RGS10: variants seen among roughly 807,000 people sequenced by gnomAD.
RGS10 encodes regulator of G protein signaling 10, also known as regulator of G-protein signalling 10.
In RGS10, 11 loss-of-function variants were observed where a neutral mutation model predicts 23.5. That is an observed-to-expected ratio of 0.47 (90% confidence interval 0.29 to 0.77). RGS10 has a LOEUF of 0.77. Among genes scored for constraint, RGS10 ranks in the 30% least tolerant of loss-of-function variants. The pLI, the probability that RGS10 is intolerant of heterozygous loss-of-function variation, is 0.08. For missense variants in RGS10, 180 were observed against 226.3 expected, an observed-to-expected ratio of 0.80 and a Z score of 1.31; for synonymous variants, 77 against 83.2, an observed-to-expected ratio of 0.92 and a Z score of 0.41.
At position 119,500,109 on chromosome 10, in the gene RGS10, G is replaced by A; in HGVS notation, c.*4C>T. On this transcript the variant is annotated 3_prime_UTR_variant, in exon 5 of 5. Coordinates refer to ENST00000369103, the MANE Select transcript of RGS10 (RefSeq NM_001005339.2). ...AAAGCTGCCAGTCCCGGCTTTTTGG[G>A]GGCTCATGTGTTATAAATTCTGGAA... is the stretch of plus-strand genomic sequence containing the variant. The A allele has an allele frequency of 6.2e-7, 1 of 1,610,534 alleles. No homozygotes were observed. Among genetic ancestry groups the A allele is most frequent in the South Asian group, 1.1e-5 (1 of 90,012 alleles).
At chr10:119,505,877 G>A (rs1844006927) in intron 4 of RGS10, among the ~76,000 whole-genome samples, 1 of 152,132 alleles carries the variant, frequency 6.6e-6, no homozygotes, top group South Asian at 2.1e-4. Flanking sequence ...AAAACCCTCT[G>A]CCATTTTATT....
intron 4 of RGS10, among the ~76,000 whole-genome samples, chr10:119,514,546 T>C (rs1844118772): frequency 1.3e-5 from 2 of 149,946 alleles, no homozygotes. Flanking sequence ...TAATTCCAGC[T>C]ACTCAGGAGG....
chr10:119,525,189 A>G (rs1288056773), intron 3 of RGS10, among the ~76,000 whole-genome samples: 1 of 152,192 alleles, frequency 6.6e-6, no homozygotes, highest in East Asian at 1.9e-4. Flanking sequence ...CCTTGGGAAG[A>G]AAGTCCACCA....
intron 3 of RGS10, among the ~76,000 whole-genome samples, chr10:119,516,025 A>G (rs4752320): frequency 0.045 from 6,928 of 152,282 alleles, 274 homozygotes; most frequent in East Asian, 0.21. Flanking sequence ...GCCGAGGCAG[A>G]TTGATCACCT....
intron 3 of RGS10, among the ~76,000 whole-genome samples, chr10:119,525,114 C>T (rs541257713): frequency 3.9e-5 from 6 of 152,208 alleles, no homozygotes; most frequent in Middle Eastern, 3.4e-3. Flanking sequence ...TCTGGTTTCA[C>T]GTAAGGATCC....
intron 1 of RGS10, among the ~76,000 whole-genome samples, chr10:119,535,260 C>T (rs1004366032): frequency 1.5e-5 from 2 of 131,214 alleles, no homozygotes; most frequent in African/African-American, 5.3e-5. Flanking sequence ...GTTAAGAGTC[C>T]AATCCATGCA....
intron 4 of RGS10, among the ~76,000 whole-genome samples, chr10:119,501,598 C>G (rs1326468936): frequency 6.6e-6 from 1 of 152,136 alleles, no homozygotes; most frequent in Non-Finnish European, 1.5e-5. Flanking sequence ...TGGCACACAC[C>G]TGTAGTCCCA....
At chr10:119,506,670 C>T (rs768689826) in intron 4 of RGS10, among the ~76,000 whole-genome samples, 3 of 152,250 alleles carry the variant, frequency 2.0e-5, no homozygotes, top group South Asian at 2.1e-4. Flanking sequence ...CCTCTGAGTG[C>T]CACTCTCCCC....
rs117997586 is a variant in RGS10, at chr10:119,536,582, C to T, written c.49+6008G>A. ...GAGGGCTCCCGAGCACCCTTGGGTC[C>T]GAAGAAAAAACAAGCCTCAACATCC... On this transcript the variant is annotated intron_variant, in intron 1 of 4. Coordinates refer to ENST00000369103, the MANE Select transcript of RGS10 (RefSeq NM_001005339.2). 5.2e-4 allele frequency: 740 copies of T among 1,427,372 alleles called. 12 individuals carry two copies. The South Asian group carries it at 8.6e-3, about 17-fold the overall frequency. 88.4% of individuals were successfully genotyped at this position (1,427,372 alleles called of 1,614,324 possible). A position where few individuals can be genotyped will look rare whatever the true frequency, so the allele number is the denominator to read the frequency against.
At chr10:119,529,338 C>T (rs2133957945) in intron 1 of RGS10, among the ~76,000 whole-genome samples, 1 of 152,156 alleles carries the variant, frequency 6.6e-6, no homozygotes, top group Admixed American at 6.5e-5. Context: ...CCTGTAGTCC[C>T]AGCTACTTGG....
chr10:119,504,809 C>T (rs906518830), intron 4 of RGS10, among the ~76,000 whole-genome samples: 2 of 152,122 alleles, frequency 1.3e-5, no homozygotes, highest in Non-Finnish European at 2.9e-5. Context: ...AGTCTGTAAG[C>T]TGAAGGGGCA....
intron 1 of RGS10, among the ~76,000 whole-genome samples, chr10:119,531,232 T>C (rs1337824818): frequency 6.6e-6 from 1 of 152,214 alleles, no homozygotes; most frequent in African/African-American, 2.4e-5. Context: ...GCAGATCTTC[T>C]CTTAAGTAAA....
Position 119,527,210 on chromosome 10 carries a change from TGACA to T in RGS10, c.168+92_168+95del, listed in dbSNP as rs1564714546. On this transcript the variant is annotated intron_variant, in intron 2 of 4. Coordinates refer to ENST00000369103, the MANE Select transcript of RGS10 (RefSeq NM_001005339.2). The surrounding 1 kb of genome is among the most constrained non-coding windows in gnomAD (Gnocchi z 4.2). ...CAAGCTGGCATAGAGAGTGCTACGC[TGACA>T]GACAATGTTGAACTGGCCTATTTCT... 1.4e-5 allele frequency: 12 copies of T among 831,666 alleles called. No individual in the cohort carries two copies. The highest frequency in any genetic ancestry group is 6.5e-5 in the South Asian group (4 of 61,836). 51.5% of individuals were successfully genotyped at this position (831,666 alleles called of 1,614,324 possible). A position where few individuals can be genotyped will look rare whatever the true frequency, so the allele number is the denominator to read the frequency against.
intron 3 of RGS10, among the ~76,000 whole-genome samples, chr10:119,521,326 T>C (rs1844210086): frequency 6.6e-6 from 1 of 151,778 alleles, no homozygotes; most frequent in Non-Finnish European, 1.5e-5. Context: ...ATCCCAACAC[T>C]TAGGGAGGCC....
chr10:119,503,459 C>T (rs1423063593), intron 4 of RGS10, among the ~76,000 whole-genome samples: 1 of 152,102 alleles, frequency 6.6e-6, no homozygotes, highest in African/African-American at 2.4e-5. Flanking sequence ...GTGACTGGGG[C>T]CCAGTAAGTG....
At chr10:119,521,805 C>A (rs529419418) in intron 3 of RGS10, among the ~76,000 whole-genome samples, 2 of 151,466 alleles carry the variant, frequency 1.3e-5, no homozygotes, top group Non-Finnish European at 2.9e-5. Flanking sequence ...TGTCTTCAAA[C>A]TTCTGAGTGT....
chr10:119,524,999 C>A lies in RGS10; in HGVS notation c.255+1033G>T, dbSNP rs1040019766. ...TAGATTCCAGCTTTTGGAGACGAGG[C>A]CTCAAAAACTGGCAACGCGCAAGCC... On this transcript the variant is annotated intron_variant, in intron 3 of 4. Coordinates refer to ENST00000369103, the MANE Select transcript of RGS10 (RefSeq NM_001005339.2). The surrounding 1 kb of genome is among the most constrained non-coding windows in gnomAD (Gnocchi z 5.2). Among the ~76,000 whole-genome samples, 6 of 152,050 alleles carry A rather than the reference C, an allele frequency of 3.9e-5. No homozygotes were observed. In the East Asian group the frequency reaches 1.2e-3, roughly 30 times the overall value.
intron 1 of RGS10, among the ~76,000 whole-genome samples, chr10:119,534,860 A>C (rs544513105): frequency 2.0e-5 from 3 of 152,282 alleles, no homozygotes; most frequent in African/African-American, 7.2e-5. Context: ...ACTGCACTCC[A>C]GCCTGGTGAC....
intron 1 of RGS10, among the ~76,000 whole-genome samples, chr10:119,539,031 C>T (rs1398889479): frequency 6.6e-6 from 1 of 152,172 alleles, no homozygotes; most frequent in African/African-American, 2.4e-5. Flanking sequence ...AATCAGCCAA[C>T]AGAGATAAAA....
Sources: allele counts gnomAD v4.1 joint callset (sites outside exome capture counted in the v4.1 genomes callset), GRCh38; gene constraint gnomAD v4.1.1; non-coding constraint Gnocchi (gnomAD v3.1); transcripts MANE v1.5; gene names NCBI Gene and HGNC (gene_info 2026-07-23, HGNC 2026-07-21).